Variants in IGF1R observed in about 807,000 individuals in gnomAD.
IGF1R encodes the protein insulin like growth factor 1 receptor.
A neutral mutation model predicts 144.6 loss-of-function variants in IGF1R; 44 were observed. That is an observed-to-expected ratio of 0.30 (90% CI 0.24 to 0.39). The LOEUF is 0.39. Among genes scored for constraint, IGF1R ranks in the 10% least tolerant of loss-of-function variants. The pLI is 1.00. For missense variants in IGF1R, 1,355 were observed against 1,833.7 expected, an observed-to-expected ratio of 0.74 and a Z score of 4.77; for synonymous variants, 795 against 722.8, an observed-to-expected ratio of 1.10 and a Z score of -1.60.
chr15:98,753,740 T>A (rs1421060739), intron 2 of IGF1R, among the ~76,000 whole-genome samples: 1 of 152,192 alleles, frequency 6.6e-6, no homozygotes, highest in East Asian at 1.9e-4. Context: ...TTCTTACAGA[T>A]GGTTTTATTA....
At chr15:98,668,991 T>A (rs1032199044) in intron 1 of IGF1R, among the ~76,000 whole-genome samples, 2 of 152,026 alleles carry the variant, frequency 1.3e-5, no homozygotes, top group African/African-American at 4.8e-5. Context: ...CAGTCATACT[T>A]ACTATTTTAA....
At chr15:98,936,967 C>T (rs1184281965) in intron 17 of IGF1R, among the ~76,000 whole-genome samples, 1 of 152,184 alleles carries the variant, frequency 6.6e-6, no homozygotes, top group Non-Finnish European at 1.5e-5. Context: ...CTCACTGCAA[C>T]CTCCACCACC....
At position 98,963,814 on chromosome 15, in the gene IGF1R, C is replaced by CAATTTTTGTG. The variant is rs1226873164; in HGVS notation, c.*6372_*6373insAATTTTTGTG. ...TACAGAAAAGAATTTTTAATAAAAACTATAACATACACAAAAATTGGTTTT... is the reference window on the plus strand; with the variant it reads ...TACAGAAAAGAATTTTTAATAAAAACAATTTTTGTGTATAACATACACAAAAATTGGTTTT... On this transcript the variant is annotated 3_prime_UTR_variant, in exon 21 of 21. Coordinates refer to ENST00000650285, the MANE Select transcript of IGF1R (RefSeq NM_000875.5). 4.3e-6 allele frequency: 1 copy of CAATTTTTGTG among 232,844 alleles called. No homozygotes were observed. The highest frequency in any genetic ancestry group is 2.2e-5 in the African/African-American group (1 of 45,328). 14.4% of individuals were successfully genotyped at this position (232,844 alleles called of 1,614,324 possible).
At chr15:98,655,265 C>G (rs2052457498) in intron 1 of IGF1R, among the ~76,000 whole-genome samples, 1 of 152,108 alleles carries the variant, frequency 6.6e-6, no homozygotes, top group Non-Finnish European at 1.5e-5. Flanking sequence ...TGTTAAATTG[C>G]TTTGGTTTTA....
chr15:98,703,462 C>G (rs2053785877), intron 1 of IGF1R, among the ~76,000 whole-genome samples: 1 of 152,188 alleles, frequency 6.6e-6, no homozygotes, highest in Non-Finnish European at 1.5e-5. Context: ...TTCACTGTTT[C>G]TATCACAAAA....
intron 2 of IGF1R, among the ~76,000 whole-genome samples, chr15:98,840,441 G>A (rs2011153876): frequency 6.6e-6 from 1 of 152,084 alleles, no homozygotes; most frequent in Non-Finnish European, 1.5e-5. Flanking sequence ...AAAGTGTACT[G>A]GAGGCCTGCT....
chr15:98,840,290 A>G (rs1216866691), intron 2 of IGF1R, among the ~76,000 whole-genome samples: 1 of 152,316 alleles, frequency 6.6e-6, no homozygotes, highest in East Asian at 1.9e-4. Flanking sequence ...ACTGTTATCA[A>G]ACCTGACTGC....
rs1567230514 is a variant in IGF1R at position 98,963,736 on chromosome 15, CAGAAG to C, written c.*6298_*6302del. On this transcript the variant is annotated 3_prime_UTR_variant, in exon 21 of 21. Coordinates refer to ENST00000650285, the MANE Select transcript of IGF1R (RefSeq NM_000875.5). ...GACTGATTACTGCTTTGTTAGAACA[CAGAAG>C]AGACCCTATTTTATTTAAGGCAGAA... The C allele has an allele frequency of 4.3e-6, 1 of 233,106 alleles. No homozygotes were observed. The highest frequency in any genetic ancestry group is 2.2e-5 in the African/African-American group (1 of 45,340). The allele number at this position is 233,106 out of a possible 1,614,324, so 14.4% of individuals were successfully genotyped here. A position where few individuals can be genotyped will look rare whatever the true frequency, so the allele number is the denominator to read the frequency against.
intron 7 of IGF1R, 47 bp from the exon 8 acceptor site, chr15:98,912,997 T>G: frequency 7.3e-7 from 1 of 1,363,062 alleles, no homozygotes; most frequent in Non-Finnish European, 1.1e-6. Flanking sequence ...TTTTGAGGGT[T>G]TTGATGTCAG....
At chr15:98,708,447 C>T (rs766825601) in intron 2 of IGF1R, among the ~76,000 whole-genome samples, 34 of 152,308 alleles carry the variant, frequency 2.2e-4, no homozygotes, top group African/African-American at 7.7e-4. Flanking sequence ...AGAAAGGTGA[C>T]CTGGTGTGCT....
chr15:98,701,664 A>G (rs1221420085), intron 1 of IGF1R, among the ~76,000 whole-genome samples: 2 of 152,120 alleles, frequency 1.3e-5, no homozygotes, highest in African/African-American at 2.4e-5. Context: ...TTTAAAGAAG[A>G]GTTGATCAAG....
chr15:98,761,795 C>T (rs1339053239), intron 2 of IGF1R, among the ~76,000 whole-genome samples: 1 of 152,226 alleles, frequency 6.6e-6, no homozygotes. Context: ...TCCCTAGGTC[C>T]TCCATGATGG....
In IGF1R at chr15:98,649,374, C is replaced by T; in HGVS notation, c.-208C>T. Reference sequence around the variant, plus strand: ...GGCCGCTGCTGCCGGCGCTGAGGGGCCGCCCCGCGCCGCCCGCCCCGTCCG... The same window carrying T: ...GGCCGCTGCTGCCGGCGCTGAGGGGTCGCCCCGCGCCGCCCGCCCCGTCCG... On this transcript the variant is annotated 5_prime_UTR_variant, in exon 1 of 21. Coordinates refer to ENST00000650285, the MANE Select transcript of IGF1R (RefSeq NM_000875.5). 7.5e-6 allele frequency: 2 copies of T among 268,420 alleles called. No individual in the cohort carries two copies. Among genetic ancestry groups the T allele is most frequent in the Non-Finnish European group, 6.8e-6 (1 of 146,326 alleles). 16.6% of individuals were successfully genotyped at this position (268,420 alleles called of 1,614,324 possible). A position where few individuals can be genotyped will look rare whatever the true frequency, so the allele number is the denominator to read the frequency against.
intron 1 of IGF1R, among the ~76,000 whole-genome samples, chr15:98,678,659 T>C (rs2871866): frequency 0.21 from 31,946 of 150,246 alleles, 3,763 homozygotes; most frequent in East Asian, 0.37. Flanking sequence ...ACCACAGGTG[T>C]TTTGCCGCCA....
rs1277680948 is a variant in IGF1R, at chr15:98,725,683, CT to C, written c.640+17577del. Among the ~76,000 whole-genome samples, 3 of 152,210 alleles carry C rather than the reference CT, an allele frequency of 2.0e-5. No homozygotes were observed. The East Asian group carries it at 5.8e-4, about 29-fold the overall frequency. On this transcript the variant is annotated intron_variant, in intron 2 of 20. Coordinates refer to ENST00000650285, the MANE Select transcript of IGF1R (RefSeq NM_000875.5). ...TCTGGATTCCTGTGGTGATTACCCT[CT>C]GTATTAGTCTGTTTTCATGCTGCTG...
chr15:98,754,603 C>A (rs886547714), intron 2 of IGF1R, among the ~76,000 whole-genome samples: 13 of 152,216 alleles, frequency 8.5e-5, no homozygotes, highest in African/African-American at 3.1e-4. Context: ...TCCGAAGCAG[C>A]ACAGCCATGG....
At chr15:98,693,617 G>GT (rs987036704) in intron 1 of IGF1R, among the ~76,000 whole-genome samples, 41 of 152,238 alleles carry the variant, frequency 2.7e-4, no homozygotes, top group Non-Finnish European at 4.9e-4. Context: ...TGTTTTGTTT[G>GT]TTTTTTGAGA....
intron 10 of IGF1R, 44 bp from the exon 11 acceptor site, chr15:98,922,104 A>G (rs1445652250): frequency 6.2e-7 from 1 of 1,606,182 alleles, no homozygotes; most frequent in Non-Finnish European, 8.5e-7. Context: ...AAAAGACAAA[A>G]GAGGTAAAAG....
At chr15:98,883,826 C>T (rs1261224338) in intron 2 of IGF1R, among the ~76,000 whole-genome samples, 2 of 152,150 alleles carry the variant, frequency 1.3e-5, no homozygotes, top group African/African-American at 4.8e-5. Flanking sequence ...GCAGGGCACA[C>T]AGGCTTCCTA....
Sources: gnomAD v4.1 joint callset for allele counts (sites outside exome capture counted in the v4.1 genomes callset) on GRCh38, gnomAD v4.1.1 for gene constraint, MANE v1.5 for transcripts, NCBI Gene and HGNC (gene_info 2026-07-23, HGNC 2026-07-21) for gene names.